The following PTPRN2 variants were observed in gnomAD, a reference collection of about 807,000 sequenced individuals.
PTPRN2 encodes the protein receptor-type tyrosine-protein phosphatase N2.
Under a neutral mutation model 118.8 loss-of-function variants are expected in PTPRN2, and 74 were observed. The ratio of observed to expected loss-of-function variants is 0.62; its 90% CI spans 0.52 to 0.76. The LOEUF (loss-of-function observed/expected upper bound fraction) is 0.76, where lower values mean the gene tolerates loss of function less well. PTPRN2 is among the 30% of genes least tolerant of loss of function. The pLI, the probability that PTPRN2 is intolerant of heterozygous loss-of-function variation, is 0.00. For missense variants in PTPRN2, 1,481 were observed against 1,394.4 expected, an observed-to-expected ratio of 1.06 and a Z score of -0.99; for synonymous variants, 641 against 608.0, an observed-to-expected ratio of 1.05 and a Z score of -0.80.
intron 2 of PTPRN2, among the ~76,000 whole-genome samples, chr7:158,331,840 C>A (rs1215022281): frequency 2.0e-4 from 21 of 106,264 alleles, no homozygotes; most frequent in African/African-American, 6.4e-4. Flanking sequence ...CCGCAGACGA[C>A]ACTAACAACC....
At chr7:158,358,651 T>C (rs1453832343) in intron 2 of PTPRN2, among the ~76,000 whole-genome samples, 6 of 152,178 alleles carry the variant, frequency 3.9e-5, no homozygotes, top group Admixed American at 6.5e-5. Flanking sequence ...GCTGACACAG[T>C]CCACACCTGC....
At chr7:157,703,764 G>A (rs545188548) in intron 12 of PTPRN2, among the ~76,000 whole-genome samples, 2 of 152,182 alleles carry the variant, frequency 1.3e-5, no homozygotes, top group Non-Finnish European at 2.9e-5. Flanking sequence ...CTCTGCCGCT[G>A]CTCTGGATTT....
intron 2 of PTPRN2, among the ~76,000 whole-genome samples, chr7:158,320,933 C>T (rs956509028): frequency 6.6e-6 from 1 of 152,160 alleles, no homozygotes; most frequent in Non-Finnish European, 1.5e-5. Flanking sequence ...TTTCTAAATA[C>T]ATCTGGTAGA....
At chr7:157,778,787 T>A (rs1318744665) in intron 12 of PTPRN2, among the ~76,000 whole-genome samples, 1 of 152,000 alleles carries the variant, frequency 6.6e-6, no homozygotes, top group Non-Finnish European at 1.5e-5. Flanking sequence ...AATGCCCACA[T>A]AAACATGTCC....
At chr7:158,500,809 C>T (rs183134552) in intron 1 of PTPRN2, among the ~76,000 whole-genome samples, 20 of 152,390 alleles carry the variant, frequency 1.3e-4, no homozygotes, top group African/African-American at 4.6e-4. Flanking sequence ...CCTGTTAGAA[C>T]AAAGCTGCGG....
chr7:158,272,234 A>G (rs942024761), intron 3 of PTPRN2, among the ~76,000 whole-genome samples: 2 of 152,146 alleles, frequency 1.3e-5, no homozygotes. Context: ...GCCCCCCGGG[A>G]CGTCTTGTCT....
chr7:158,393,345 G>T (rs1268639750), intron 2 of PTPRN2, among the ~76,000 whole-genome samples: 1 of 152,224 alleles, frequency 6.6e-6, no homozygotes, highest in East Asian at 1.9e-4. Context: ...GAAAATTAAA[G>T]TTCAGCCTGG....
chr7:158,094,305 T>G (rs573415264), intron 10 of PTPRN2, among the ~76,000 whole-genome samples: 2 of 149,726 alleles, frequency 1.3e-5, no homozygotes, highest in South Asian at 2.1e-4. Flanking sequence ...GTGTTTTTTC[T>G]GTTTTGTTTT....
intron 11 of PTPRN2, among the ~76,000 whole-genome samples, chr7:158,000,469 C>A (rs1297988613): frequency 6.6e-6 from 1 of 151,914 alleles, no homozygotes; most frequent in Admixed American, 6.6e-5. Context: ...CCACTAACGC[C>A]CTGCACACCT....
At chr7:158,092,685 A>G (rs774687525) in intron 10 of PTPRN2, among the ~76,000 whole-genome samples, 21 of 152,192 alleles carry the variant, frequency 1.4e-4, no homozygotes, top group Non-Finnish European at 2.5e-4. Flanking sequence ...AAAATTATCA[A>G]ACAAAATCAT....
intron 12 of PTPRN2, among the ~76,000 whole-genome samples, chr7:157,708,082 C>A (rs1798422474): frequency 6.6e-6 from 1 of 152,256 alleles, no homozygotes; most frequent in Admixed American, 6.5e-5. Flanking sequence ...CCGCTGGCTG[C>A]TCTGCAAGGA....
At chr7:158,270,098 C>T (rs1039882313) in intron 3 of PTPRN2, among the ~76,000 whole-genome samples, 6 of 152,224 alleles carry the variant, frequency 3.9e-5, no homozygotes, top group Non-Finnish European at 8.8e-5. Flanking sequence ...AGGGGCTGCT[C>T]ACTGTGGAGG....
intron 2 of PTPRN2, among the ~76,000 whole-genome samples, chr7:158,483,029 A>G (rs750150828): frequency 6.6e-6 from 1 of 152,008 alleles, no homozygotes; most frequent in Non-Finnish European, 1.5e-5. Context: ...CAGCTAGAAG[A>G]CTCCAGACAG....
chr7:157,592,770 A>G (rs1333141295), intron 17 of PTPRN2, among the ~76,000 whole-genome samples: 3 of 143,680 alleles, frequency 2.1e-5, no homozygotes, highest in East Asian at 4.2e-4. Flanking sequence ...TACTGAACCG[A>G]GGGTGGATGT....
chr7:158,445,106 C>T (rs960288075), intron 2 of PTPRN2, among the ~76,000 whole-genome samples: 1 of 152,176 alleles, frequency 6.6e-6, no homozygotes, highest in Non-Finnish European at 1.5e-5. Flanking sequence ...CCTCGCTGGG[C>T]AAGAGCCTCC....
intron 1 of PTPRN2, among the ~76,000 whole-genome samples, chr7:158,497,489 A>C (rs73528616): frequency 4.9e-4 from 75 of 152,066 alleles, no homozygotes; most frequent in African/African-American, 1.7e-3. Context: ...GCATTTCTGG[A>C]GGTTGACACA....
intron 1 of PTPRN2, among the ~76,000 whole-genome samples, chr7:158,531,426 T>G (rs1334659813): frequency 6.6e-6 from 1 of 152,200 alleles, no homozygotes; most frequent in Non-Finnish European, 1.5e-5. Context: ...GATCCAGGCC[T>G]GCGAGCCCAG....
chr7:158,380,744 C>T (rs1258664904), intron 2 of PTPRN2, among the ~76,000 whole-genome samples: 2 of 152,372 alleles, frequency 1.3e-5, no homozygotes, highest in Middle Eastern at 3.4e-3. Context: ...TTCCCTTCTG[C>T]ACTGCCCTAG....
intron 1 of PTPRN2, among the ~76,000 whole-genome samples, chr7:158,562,209 T>G (rs1319580251): frequency 6.6e-6 from 1 of 152,082 alleles, no homozygotes; most frequent in East Asian, 1.9e-4. Flanking sequence ...CATCCCAAGG[T>G]CCTGCTTCCT....
Sources: gnomAD v4.1 joint callset for allele counts (sites outside exome capture counted in the v4.1 genomes callset) on GRCh38, gnomAD v4.1.1 for gene constraint, MANE v1.5 for transcripts, NCBI Gene and HGNC (gene_info 2026-07-23, HGNC 2026-07-21) for gene names.